RFX3: variants seen among roughly 807,000 people sequenced by gnomAD.
The protein encoded by RFX3 is regulatory factor X3, also known as transcription factor RFX3.
RFX3 carries 14 observed loss-of-function variants against 98.6 expected under a neutral mutation model. That is an observed-to-expected ratio of 0.14 (90% CI 0.09 to 0.22). The LOEUF (loss-of-function observed/expected upper bound fraction) is 0.22, where lower values mean the gene tolerates loss of function less well. RFX3 is among the 10% of genes least tolerant of loss of function. The pLI is 1.00. For missense variants in RFX3, 639 were observed against 926.9 expected (o/e 0.69, Z 4.03); for synonymous variants, 383 against 328.4 (o/e 1.17, Z -1.80).
chr9:3,264,364 A>G (rs183437234), intron 12 of RFX3, among the ~76,000 whole-genome samples: 34 of 152,312 alleles, frequency 2.2e-4, no homozygotes, highest in African/African-American at 7.5e-4. Flanking sequence ...TGGGTATATA[A>G]GGTACGAGCA....
intron 1 of RFX3, among the ~76,000 whole-genome samples, chr9:3,422,583 A>T (rs1464083036): frequency 6.6e-6 from 1 of 152,244 alleles, no homozygotes; most frequent in Non-Finnish European, 1.5e-5. Context: ...TGATTTACAG[A>T]TCAAATTCAA....
chr9:3,303,701 T>C (rs931581306), intron 4 of RFX3, among the ~76,000 whole-genome samples: 5 of 151,800 alleles, frequency 3.3e-5, no homozygotes, highest in Admixed American at 6.6e-5. Flanking sequence ...TATTTTATAG[T>C]GGTCCTAGAT....
intron 2 of RFX3, among the ~76,000 whole-genome samples, chr9:3,347,664 TA>T (rs1325702779): frequency 6.6e-6 from 1 of 151,860 alleles, no homozygotes; most frequent in Non-Finnish European, 1.5e-5. Flanking sequence ...CCGTCTCTAC[TA>T]AAAATATAAA....
intron 1 of RFX3, among the ~76,000 whole-genome samples, chr9:3,520,159 T>C (rs1035397753): frequency 6.6e-5 from 10 of 152,272 alleles, no homozygotes; most frequent in African/African-American, 2.2e-4. Flanking sequence ...ACTGTAGGAC[T>C]ATATTTTTAA....
intron 3 of RFX3, among the ~76,000 whole-genome samples, 198 bp from the exon 4 acceptor site, chr9:3,330,715 G>C (rs1002395281): frequency 3.3e-5 from 5 of 152,096 alleles, no homozygotes; most frequent in African/African-American, 1.2e-4. Context: ...ATTTAAATAA[G>C]TACCTCAACT....
At chr9:3,481,093 G>C (rs1290244286) in intron 1 of RFX3, among the ~76,000 whole-genome samples, 1 of 152,076 alleles carries the variant, frequency 6.6e-6, no homozygotes, top group Non-Finnish European at 1.5e-5. Context: ...TATATGTCAG[G>C]TGCTGTTGGT....
chr9:3,494,969 T>C (rs762781299), intron 1 of RFX3, among the ~76,000 whole-genome samples: 22 of 151,980 alleles, frequency 1.4e-4, no homozygotes, highest in Non-Finnish European at 2.6e-4. Context: ...ATAGTGAGAG[T>C]CTGGACAAGT....
At chr9:3,396,076 A>G (rs2131941913) in intron 1 of RFX3, among the ~76,000 whole-genome samples, 1 of 151,776 alleles carries the variant, frequency 6.6e-6, no homozygotes, top group Non-Finnish European at 1.5e-5. Flanking sequence ...TTTAGGGTAC[A>G]TGTGCACAAT....
intron 3 of RFX3, among the ~76,000 whole-genome samples, chr9:3,338,403 T>C (rs1416657266): frequency 6.6e-6 from 1 of 152,256 alleles, no homozygotes; most frequent in Non-Finnish European, 1.5e-5. Context: ...AGTTTTCTCC[T>C]TCATGTGTAG....
intron 1 of RFX3, among the ~76,000 whole-genome samples, chr9:3,497,044 T>C (rs1851158713): frequency 6.6e-6 from 1 of 152,000 alleles, no homozygotes; most frequent in Non-Finnish European, 1.5e-5. Flanking sequence ...CAAATCTGCT[T>C]CATACTGAAC....
At chr9:3,455,078 A>C (rs1001397246) in intron 1 of RFX3, among the ~76,000 whole-genome samples, 2 of 152,158 alleles carry the variant, frequency 1.3e-5, no homozygotes, top group African/African-American at 2.4e-5. Context: ...AATCCTCTCT[A>C]GTCAATTCCC....
chr9:3,241,124 G>A (rs557484421), intron 15 of RFX3, among the ~76,000 whole-genome samples: 13 of 152,004 alleles, frequency 8.6e-5, no homozygotes, highest in South Asian at 8.3e-4. Flanking sequence ...AATTGCTGTC[G>A]TAAGCACCCA....
chr9:3,393,235 C>T (rs570668590), intron 2 of RFX3, among the ~76,000 whole-genome samples: 6 of 152,032 alleles, frequency 3.9e-5, no homozygotes, highest in African/African-American at 1.4e-4. Context: ...AATGTAGTTG[C>T]CTATGAGGAG....
intron 15 of RFX3, among the ~76,000 whole-genome samples, chr9:3,239,386 C>T (rs2130832268): frequency 6.6e-6 from 1 of 152,296 alleles, no homozygotes; most frequent in Admixed American, 6.5e-5. Context: ...AGATCTCTGG[C>T]AGTTTGCTCC....
At chr9:3,330,231 C>A in intron 4 of RFX3, 28 bp downstream of exon 4, 1 of 1,612,214 alleles carries the variant, frequency 6.2e-7, no homozygotes, top group South Asian at 1.1e-5. Context: ...AAAAGCTAAA[C>A]TAAACTACTA....
intron 1 of RFX3, among the ~76,000 whole-genome samples, chr9:3,512,720 G>C (rs1377489441): frequency 6.6e-6 from 1 of 151,986 alleles, no homozygotes; most frequent in Non-Finnish European, 1.5e-5. Flanking sequence ...AAGAGGCTAA[G>C]TACAATCTTT....
intron 2 of RFX3, among the ~76,000 whole-genome samples, chr9:3,357,126 T>C (rs1835872209): frequency 6.6e-6 from 1 of 152,002 alleles, no homozygotes. Flanking sequence ...TTTCATAATA[T>C]AATGCCTCCG....
chr9:3,352,176 TTA>T (rs1835221103), intron 2 of RFX3, among the ~76,000 whole-genome samples: 1 of 152,002 alleles, frequency 6.6e-6, no homozygotes, highest in African/African-American at 2.4e-5. Context: ...ATACTTATTC[TTA>T]CAGTATGATT....
intron 4 of RFX3, among the ~76,000 whole-genome samples, chr9:3,323,641 T>C (rs751574426): frequency 1.3e-5 from 2 of 152,322 alleles, no homozygotes; most frequent in South Asian, 4.1e-4. Context: ...TGACATAGAA[T>C]CTAGCTTTTT....
Sources: allele counts gnomAD v4.1 joint callset (sites outside exome capture counted in the v4.1 genomes callset), GRCh38; gene constraint gnomAD v4.1.1; transcripts MANE v1.5; gene names NCBI Gene and HGNC (gene_info 2026-07-23, HGNC 2026-07-21).